TTC1: variants seen among roughly 807,000 people sequenced by gnomAD.
The protein encoded by TTC1 is tetratricopeptide repeat domain 1.
TTC1 carries 31 observed loss-of-function variants against 37.6 expected under a neutral mutation model. The ratio of observed to expected loss-of-function variants is 0.82; its 90% CI spans 0.62 to 1.11. The LOEUF (loss-of-function observed/expected upper bound fraction) is 1.11. TTC1 is among the 50% of genes most tolerant of loss of function. TTC1 has a pLI of 0.00. For missense variants in TTC1, 351 were observed against 339.0 expected, an observed-to-expected ratio of 1.04 and a Z score of -0.28; for synonymous variants, 127 against 122.4, an observed-to-expected ratio of 1.04 and a Z score of -0.25.
At chr5:160,035,952 G>GTT (rs11438489) in intron 3 of TTC1, among the ~76,000 whole-genome samples, 9 of 141,366 alleles carry the variant, frequency 6.4e-5, no homozygotes, top group South Asian at 2.3e-4. Flanking sequence ...AGATTTTAGG[G>GTT]TTTTTTTTTT....
chr5:160,016,840 C>A (rs1207595611), intron 2 of TTC1, among the ~76,000 whole-genome samples: 1 of 152,112 alleles, frequency 6.6e-6, no homozygotes, highest in Non-Finnish European at 1.5e-5. Context: ...ATAATAGTAG[C>A]CAAAGTCTGT....
chr5:160,043,133 G>A lies in TTC1; in HGVS notation c.505G>A (p.Asp169Asn). 1 of 1,612,978 alleles carries A rather than the reference G, an allele frequency of 6.2e-7. No individual in the cohort carries two copies. Among genetic ancestry groups the A allele is most frequent in the African/African-American group, 1.3e-5 (1 of 74,974 alleles). The stretch of plus-strand genomic sequence containing the variant: ...ATATTAATACTGTTTTTCTTTTTAG[G>A]ACAAGAAAGAAATGGCCATCAATGA... ...SNRAAARMKQ[D>N]KKEMAINDCS... Residue 169 changes from aspartate (D) to asparagine (N), a missense_variant and splice_region_variant, in exon 5 of 8, where the codon GAC becomes AAC. Coordinates refer to ENST00000231238, the MANE Select transcript of TTC1 (RefSeq NM_003314.3).
rs1561634779 is a variant in TTC1 at position 160,045,501 on chromosome 5, CACACACACACACA to C, written c.541+2333_541+2345del. Among the ~76,000 whole-genome samples the C allele has an allele frequency of 4.0e-3, 434 of 108,600 alleles. 38 individuals are homozygous for C. The highest frequency in any genetic ancestry group is 0.025 in the Admixed American group (208 of 8,410). The allele number at this position is 108,600 out of a possible 152,430, so 71.2% of individuals were successfully genotyped here. On this transcript the variant is annotated intron_variant, in intron 5 of 7. Transcript: ENST00000231238. ...ACACACACACACACACACACACACA[CACACACACACACA>C]TACACACTCTCTCTCTCTCTCTCTC...
intron 2 of TTC1, among the ~76,000 whole-genome samples, chr5:160,034,631 G>T (rs907784286): frequency 6.6e-6 from 1 of 152,076 alleles, no homozygotes; most frequent in South Asian, 2.1e-4. Context: ...CACTGTATGG[G>T]CAGCTTTATG....
At chr5:160,009,482 G>A (rs1018061810) in intron 1 of TTC1, among the ~76,000 whole-genome samples, 1 of 152,112 alleles carries the variant, frequency 6.6e-6, no homozygotes, top group African/African-American at 2.4e-5. Context: ...AGCAATTTAC[G>A]TTCTTGCAAA....
intron 7 of TTC1, among the ~76,000 whole-genome samples, chr5:160,052,657 C>T (rs1757436887): frequency 6.8e-6 from 1 of 147,452 alleles, no homozygotes; most frequent in African/African-American, 2.5e-5. Context: ...GCATTGGTCT[C>T]TTAGTCCATT....
At chr5:160,052,968 TC>T (rs1346926999) in intron 7 of TTC1, among the ~76,000 whole-genome samples, 1 of 152,220 alleles carries the variant, frequency 6.6e-6, no homozygotes, top group Admixed American at 6.5e-5. Context: ...ATGGCTAGAT[TC>T]CTTTTTTCCC....
At chr5:160,028,535 G>A (rs1756849733) in intron 2 of TTC1, among the ~76,000 whole-genome samples, 1 of 151,932 alleles carries the variant, frequency 6.6e-6, no homozygotes. Context: ...CTAGGCTATA[G>A]TGCAGTGGCA....
chr5:160,010,511 C>T lies in TTC1; in HGVS notation c.-18C>T. ...TTGTTTTCCCCCAGCTTTAGCGTCA[C>T]CTCCCTCACTGGGCAGCATGGGGGA... On this transcript the variant is annotated 5_prime_UTR_variant, in exon 2 of 8. Coordinates refer to ENST00000231238, the MANE Select transcript of TTC1 (RefSeq NM_003314.3). The T allele has an allele frequency of 6.2e-7, 1 of 1,600,222 alleles. No individual in the cohort carries two copies. The highest frequency in any genetic ancestry group is 8.5e-7 in the Non-Finnish European group (1 of 1,169,648).
intron 2 of TTC1, among the ~76,000 whole-genome samples, chr5:160,018,494 A>C (rs1756645046): frequency 6.6e-6 from 1 of 152,198 alleles, no homozygotes. Context: ...CAGTTGAATA[A>C]AGCCCTAAAG....
chr5:160,050,307 T>C (rs924448194), intron 6 of TTC1, among the ~76,000 whole-genome samples: 3 of 151,618 alleles, frequency 2.0e-5, no homozygotes, highest in Non-Finnish European at 4.4e-5. Flanking sequence ...ATTAGCTGGG[T>C]GTGGTGGCAC....
chr5:160,036,619 T>G, intron 3 of TTC1, 72 bp from the exon 4 acceptor site: 17 of 1,046,886 alleles, frequency 1.6e-5, no homozygotes, highest in Non-Finnish European at 2.5e-5. Flanking sequence ...ACAGTGCTTC[T>G]GAGATCCTGT....
chr5:160,018,162 C>T (rs1756639916), intron 2 of TTC1, among the ~76,000 whole-genome samples: 1 of 152,180 alleles, frequency 6.6e-6, no homozygotes, highest in Non-Finnish European at 1.5e-5. Flanking sequence ...TCCCCTTCCA[C>T]AAAGTGAGGA....
intron 4 of TTC1, among the ~76,000 whole-genome samples, chr5:160,040,070 C>A (rs569029495): frequency 1.4e-4 from 21 of 152,276 alleles, no homozygotes; most frequent in Non-Finnish European, 2.4e-4. Flanking sequence ...CTACTACACA[C>A]CTAAGCTATA....
At chr5:160,041,174 G>T (rs923230084) in intron 4 of TTC1, among the ~76,000 whole-genome samples, 1 of 152,054 alleles carries the variant, frequency 6.6e-6, no homozygotes, top group African/African-American at 2.4e-5. Flanking sequence ...GATAGGACCT[G>T]CCTGAGGCTG....
intron 4 of TTC1, among the ~76,000 whole-genome samples, 194 bp from the exon 5 acceptor site, chr5:160,042,939 G>A (rs1372872879): frequency 1.3e-5 from 2 of 152,214 alleles, no homozygotes; most frequent in African/African-American, 4.8e-5. Flanking sequence ...GAGGCCTTCA[G>A]ATCAGAGCCA....
At chr5:160,027,800 C>T (rs139561996) in intron 2 of TTC1, among the ~76,000 whole-genome samples, 1 of 152,302 alleles carries the variant, frequency 6.6e-6, no homozygotes, top group African/African-American at 2.4e-5. Flanking sequence ...CTTCTGGCCT[C>T]CACTGTTCTG....
At chr5:160,061,658 T>G (rs1753411822) in intron 7 of TTC1, 1 of 150,992 alleles carries the variant, frequency 6.6e-6, no homozygotes, top group Admixed American at 6.6e-5. Flanking sequence ...ATTTCGCATT[T>G]TCTTTTTTTT....
At chr5:160,032,953 T>C (rs2113366079) in intron 2 of TTC1, among the ~76,000 whole-genome samples, 1 of 151,896 alleles carries the variant, frequency 6.6e-6, no homozygotes, top group South Asian at 2.1e-4. Flanking sequence ...CTCAATCTCT[T>C]GACCTCATGA....
Sources: allele counts gnomAD v4.1 joint callset (sites outside exome capture counted in the v4.1 genomes callset), GRCh38; gene constraint gnomAD v4.1.1; transcripts MANE v1.5; gene names NCBI Gene and HGNC (gene_info 2026-07-23, HGNC 2026-07-21).